The following CMYA5 variants were observed in gnomAD, a reference collection of about 807,000 sequenced individuals.
The protein encoded by CMYA5 is cardiomyopathy associated 5.
In CMYA5, 246 loss-of-function variants were observed where a neutral mutation model predicts 318.9. The ratio of observed to expected loss-of-function variants is 0.77; its 90% CI spans 0.70 to 0.86. The LOEUF (loss-of-function observed/expected upper bound fraction) is 0.86, where lower values mean the gene tolerates loss of function less well. Ranked by LOEUF, CMYA5 falls within the 40% of genes least tolerant of loss-of-function variation. The pLI, the probability that CMYA5 is intolerant of heterozygous loss-of-function variation, is 0.00. For missense variants in CMYA5, 4,589 were observed against 4,678.2 expected (o/e 0.98, Z 0.56); for synonymous variants, 1,641 against 1,729.5 (o/e 0.95, Z 1.27).
chr5:79,690,034 T>TCGGAGGAGGAGC lies in CMYA5; in HGVS notation c.132_143dup (p.Glu44_Pro47dup). 6.8e-7 allele frequency: 1 copy of TCGGAGGAGGAGC among 1,464,676 alleles called. No individual in the cohort carries two copies. The highest frequency in any genetic ancestry group is 1.9e-4 in the Middle Eastern group (1 of 5,168). The allele number at this position is 1,464,676 out of a possible 1,614,324, so 90.7% of individuals were successfully genotyped here. ...CGAGGAGGACGAGACGGCGGCGGAG[T>TCGGAGGAGGAGC]CGGAGGAGGAGCCGGACTCCAGGTA... On this transcript the variant is annotated inframe_insertion, in exon 1 of 13. Transcript: ENST00000446378.
intron 9 of CMYA5, among the ~76,000 whole-genome samples, chr5:79,769,743 G>C (rs1828820374): frequency 6.6e-6 from 1 of 152,186 alleles, no homozygotes; most frequent in African/African-American, 2.4e-5. Context: ...GTAGACCCCT[G>C]CTGGGAAGTG....
intron 12 of CMYA5, among the ~76,000 whole-genome samples, chr5:79,798,876 A>C (rs2151102496): frequency 6.6e-6 from 1 of 152,344 alleles, no homozygotes; most frequent in East Asian, 1.9e-4. Flanking sequence ...ACAAAGGATG[A>C]AGTTGGCAAA....
At chr5:79,795,341 A>G (rs2151101685) in intron 12 of CMYA5, among the ~76,000 whole-genome samples, 1 of 152,294 alleles carries the variant, frequency 6.6e-6, no homozygotes, top group African/African-American at 2.4e-5. Flanking sequence ...TTCTGGTTTA[A>G]TGATTTTAAA....
intron 1 of CMYA5, among the ~76,000 whole-genome samples, chr5:79,697,584 A>G (rs143985997): frequency 1.3e-5 from 2 of 152,318 alleles, no homozygotes; most frequent in African/African-American, 4.8e-5. Context: ...TCTCTGATAT[A>G]GGCATTGTTT....
At chr5:79,724,765 A>C (rs1827714036) in intron 1 of CMYA5, among the ~76,000 whole-genome samples, 1 of 152,196 alleles carries the variant, frequency 6.6e-6, no homozygotes, top group Non-Finnish European at 1.5e-5. Context: ...CTTTAGACTG[A>C]GTGTAATACT....
Position 79,763,047 on chromosome 5 carries a change from A to T in CMYA5, c.11408-15A>T. ...CTGGCATTGCTCCACGACTGTCCTGACTCTCTTTCTGCAGCACCCTCCACC... is the reference window on the plus strand; with the variant it reads ...CTGGCATTGCTCCACGACTGTCCTGTCTCTCTTTCTGCAGCACCCTCCACC... On this transcript the variant is annotated splice_polypyrimidine_tract_variant and intron_variant, in intron 8 of 12. Transcript: ENST00000446378. 6.2e-7 allele frequency: 1 copy of T among 1,607,042 alleles called. No homozygotes were observed. Among genetic ancestry groups the T allele is most frequent in the Non-Finnish European group, 8.5e-7 (1 of 1,175,098 alleles).
Position 79,734,883 on chromosome 5 carries a change from A to G in CMYA5, c.6118A>G (p.Ile2040Val), listed in dbSNP as rs1226904641. 1.2e-6 allele frequency: 2 copies of G among 1,613,832 alleles called. No individual in the cohort carries two copies. Among genetic ancestry groups the G allele is most frequent in the Non-Finnish European group, 1.7e-6 (2 of 1,179,804 alleles). The change falls in exon 2 of 13, where the codon ATT becomes GTT. Residue 2040 changes from isoleucine (I) to valine (V), a missense_variant. Coordinates refer to ENST00000446378, the MANE Select transcript of CMYA5 (RefSeq NM_153610.5). ...TTCCAAAGAAGATAGCCAGGAAAAAATTAAACTACCTCCTGAAAGATTCTT... is the reference window on the plus strand; with the variant it reads ...TTCCAAAGAAGATAGCCAGGAAAAAGTTAAACTACCTCCTGAAAGATTCTT... Reference protein sequence around the residue: ...WPSKEDSQEKIKLPPERFFQK... With the variant: ...WPSKEDSQEKVKLPPERFFQK...
chr5:79,736,857 T>C lies in CMYA5; in HGVS notation c.8092T>C (p.Phe2698Leu), dbSNP rs746889425. The stretch of plus-strand genomic sequence containing the variant: ...CACAAAAGAAACTGTGAAACAAGGA[T>C]TTCAAGAAAAGGCAGTAGGAACCCA... ...DITKETVKQG[F>L]QEKAVGTQPR... is the part of the protein sequence containing the mutation. Residue 2698 changes from phenylalanine (F) to leucine (L), a missense_variant, in exon 2 of 13, where the codon TTT becomes CTT. By Grantham distance (22) the Phe-to-Leu change is conservative (BLOSUM62 0). Coordinates refer to ENST00000446378, the MANE Select transcript of CMYA5 (RefSeq NM_153610.5). 1.1e-5 allele frequency: 18 copies of C among 1,600,064 alleles called. No homozygotes were observed. The East Asian group carries it at 2.5e-4, about 22-fold the overall frequency.
intron 4 of CMYA5, among the ~76,000 whole-genome samples, chr5:79,746,036 G>A (rs148206836): frequency 1.3e-5 from 2 of 152,290 alleles, no homozygotes; most frequent in Non-Finnish European, 2.9e-5. Context: ...AAATTCCCTT[G>A]GGTGCTCCTC....
chr5:79,733,082 A>G lies in CMYA5; in HGVS notation c.4317A>G (p.Ala1439=). ...CCAAACATTTAGCTTGGTCAGAAGC[A>G]GAGAAGGAAATTAAATTTGATTCAC... ...TSSKHLAWSE[A]EKEIKFDSLP... is the part of the protein sequence containing the mutation. The change falls in exon 2 of 13, where the codon GCA becomes GCG. Residue 1439 remains alanine, a synonymous_variant. Transcript: ENST00000446378. 6.2e-7 allele frequency: 1 copy of G among 1,613,658 alleles called. No individual in the cohort carries two copies. Among genetic ancestry groups the G allele is most frequent in the Non-Finnish European group, 8.5e-7 (1 of 1,179,748 alleles).
chr5:79,735,835 G>A lies in CMYA5; in HGVS notation c.7070G>A (p.Trp2357Ter), dbSNP rs1425254866. The A allele has an allele frequency of 3.2e-6, 5 of 1,552,832 alleles. No homozygotes were observed. The African/African-American group carries it at 4.2e-5, about 13-fold the overall frequency. Residue 2357 changes from tryptophan (W) to a stop codon, truncating the protein, a stop_gained, in exon 2 of 13, where the codon TGG becomes TAG. Transcript: ENST00000446378. LOFTEE classifies it high-confidence loss of function. Reference protein sequence around the residue: ...QKPAIAPPSKWNISIFKEEPR... With the variant: ...QKPAIAPPSK ...CCAGCAATCGCTCCTCCATCTAAAT[G>A]GAATATTTCTATTTTTAAGGAAGAG...
At chr5:79,693,290 T>A (rs2151073585) in intron 1 of CMYA5, among the ~76,000 whole-genome samples, 1 of 152,260 alleles carries the variant, frequency 6.6e-6, no homozygotes, top group South Asian at 2.1e-4. Context: ...ACCGATCTGA[T>A]TTTAGATTCA....
intron 3 of CMYA5, among the ~76,000 whole-genome samples, chr5:79,744,378 C>T (rs1251768315): frequency 1.3e-5 from 2 of 152,178 alleles, no homozygotes; most frequent in African/African-American, 2.4e-5. Flanking sequence ...CCTCTCATAG[C>T]ACGACTATCT....
intron 6 of CMYA5, among the ~76,000 whole-genome samples, chr5:79,756,868 G>GA (rs1240915440): frequency 5.9e-5 from 9 of 151,816 alleles, no homozygotes; most frequent in South Asian, 2.1e-4. Flanking sequence ...TTGTTGACTG[G>GA]AAAAAAAACC....
At chr5:79,757,661 C>T (rs2151093783) in intron 6 of CMYA5, among the ~76,000 whole-genome samples, 1 of 152,294 alleles carries the variant, frequency 6.6e-6, no homozygotes, top group Non-Finnish European at 1.5e-5. Flanking sequence ...TTTCATTTGC[C>T]TCTATCGTGA....
At chr5:79,701,229 C>T (rs1241885656) in intron 1 of CMYA5, among the ~76,000 whole-genome samples, 1 of 151,574 alleles carries the variant, frequency 6.6e-6, no homozygotes, top group African/African-American at 2.4e-5. Context: ...GAGCAAGACT[C>T]TGTCTCAAAT....
chr5:79,715,945 C>T (rs1827507624), intron 1 of CMYA5, among the ~76,000 whole-genome samples: 1 of 152,214 alleles, frequency 6.6e-6, no homozygotes, highest in Non-Finnish European at 1.5e-5. Context: ...TATGCAAATA[C>T]AGATGTGCAC....
intron 1 of CMYA5, among the ~76,000 whole-genome samples, chr5:79,722,329 CAT>C (rs1272206324): frequency 6.6e-6 from 1 of 152,108 alleles, no homozygotes; most frequent in Non-Finnish European, 1.5e-5. Flanking sequence ...AAGAGAAGCA[CAT>C]GTCTTGACTT....
At chr5:79,759,440 C>A (rs1828603523) in intron 7 of CMYA5, among the ~76,000 whole-genome samples, 1 of 152,210 alleles carries the variant, frequency 6.6e-6, no homozygotes, top group East Asian at 1.9e-4. Flanking sequence ...GTTCACAGTT[C>A]CCAGGGCGTG....
Sources: gnomAD v4.1 joint callset for allele counts (sites outside exome capture counted in the v4.1 genomes callset) on GRCh38, gnomAD v4.1.1 for gene constraint, MANE v1.5 for transcripts, NCBI Gene and HGNC (gene_info 2026-07-23, HGNC 2026-07-21) for gene names.